The following BBOF1 variants were observed in gnomAD, a reference collection of about 807,000 sequenced individuals.
The protein encoded by BBOF1 is basal body orientation factor 1.
In BBOF1, 62 loss-of-function variants were observed where a neutral mutation model predicts 68.0. The ratio of observed to expected loss-of-function variants is 0.91; its 90% CI spans 0.74 to 1.13. The LOEUF is 1.13. Among genes scored for constraint, BBOF1 ranks in the 50% most tolerant of loss-of-function variants. The pLI is 0.00. For synonymous variants in BBOF1, 208 were observed against 198.8 expected (o/e 1.05, Z -0.39); for missense variants, 534 against 600.1 (o/e 0.89, Z 1.15).
chr14:74,021,309 T>G (rs774737900), intron 1 of BBOF1, among the ~76,000 whole-genome samples: 4 of 151,986 alleles, frequency 2.6e-5, no homozygotes, highest in Admixed American at 6.6e-5. Flanking sequence ...TAAAGCCCGG[T>G]GGGTGGGGCA....
downstream of BBOF1, among the ~76,000 whole-genome samples, chr14:74,069,636 C>T (rs2060521529): frequency 6.6e-6 from 1 of 151,586 alleles, no homozygotes; most frequent in Non-Finnish European, 1.5e-5. Flanking sequence ...ACCTGTAATC[C>T]CAGCTACTTG....
At chr14:74,042,703 G>A (rs2059849039) in intron 5 of BBOF1, among the ~76,000 whole-genome samples, 1 of 152,096 alleles carries the variant, frequency 6.6e-6, no homozygotes, top group Admixed American at 6.6e-5. Flanking sequence ...ACCTACTCTG[G>A]AGACTGAGGC....
At position 74,051,521 on chromosome 14, in the gene BBOF1, TA is replaced by T. The variant is rs551673368; in HGVS notation, c.1286+1328del. On this transcript the variant is annotated intron_variant, in intron 8 of 11. Coordinates refer to ENST00000394009, the MANE Select transcript of BBOF1 (RefSeq NM_025057.3). ...ATCAGTAGTGCCCCCAGCATTGTAT[TA>T]ACCAAAAGTCCCCCAAAATTTTCCA... Among the ~76,000 whole-genome samples, 55 of 151,878 alleles carry T rather than the reference TA, an allele frequency of 3.6e-4. 1 individual carries two copies. The highest frequency in any genetic ancestry group is 1.3e-3 in the African/African-American group (53 of 41,178).
At chr14:74,072,076 GGA>G (rs1314754893) in intron 9 of BBOF1, 3 of 1,565,062 alleles carry the variant, frequency 1.9e-6, no homozygotes, top group African/African-American at 1.4e-5. Flanking sequence ...GCAGTACAAG[GGA>G]GAGAGTCATG....
intron 5 of BBOF1, 191 bp downstream of exon 5, chr14:74,040,836 T>G: frequency 1.9e-6 from 1 of 537,580 alleles, no homozygotes; most frequent in Non-Finnish European, 3.2e-6. Context: ...CCTTGTTTTC[T>G]CTCTCATTCA....
At chr14:74,034,443 T>C (rs1438200012) in intron 4 of BBOF1, among the ~76,000 whole-genome samples, 1 of 152,148 alleles carries the variant, frequency 6.6e-6, no homozygotes, top group Non-Finnish European at 1.5e-5. Context: ...TTGGATTGAC[T>C]TCAGTAAGAA....
At chr14:74,048,768 T>C (rs1342438537) in intron 7 of BBOF1, among the ~76,000 whole-genome samples, 1 of 152,082 alleles carries the variant, frequency 6.6e-6, no homozygotes, top group Non-Finnish European at 1.5e-5. Flanking sequence ...CTGAATGAAG[T>C]TGGGGTTTTA....
At chr14:74,029,549 G>T (rs1173113694) in intron 3 of BBOF1, among the ~76,000 whole-genome samples, 1 of 152,058 alleles carries the variant, frequency 6.6e-6, no homozygotes, top group Non-Finnish European at 1.5e-5. Context: ...AGGCATGGTG[G>T]TGCATGCTTA....
At position 74,065,608 on chromosome 14, in the gene BBOF1, T is replaced by C. The variant is rs1287419124; in HGVS notation, c.*909T>C. On this transcript the variant is annotated 3_prime_UTR_variant, in exon 12 of 12. Coordinates refer to ENST00000394009, the MANE Select transcript of BBOF1 (RefSeq NM_025057.3). ...AATAACCACACTTCCTTTAAGGGAC[T>C]GTATCTTTAGTTCATGACCCATCAT... is the stretch of plus-strand genomic sequence containing the variant. 2 of 495,798 alleles carry C rather than the reference T, an allele frequency of 4.0e-6. No homozygotes were observed. Among genetic ancestry groups the C allele is most frequent in the African/African-American group, 1.9e-5 (1 of 51,542 alleles). The allele number at this position is 495,798 out of a possible 1,614,324, so 30.7% of individuals were successfully genotyped here. A position where few individuals can be genotyped will look rare whatever the true frequency, so the allele number is the denominator to read the frequency against.
intron 8 of BBOF1, among the ~76,000 whole-genome samples, chr14:74,051,055 C>T (rs1010117931): frequency 6.6e-6 from 1 of 151,912 alleles, no homozygotes; most frequent in Non-Finnish European, 1.5e-5. Flanking sequence ...ACCAGCCTGA[C>T]CAACATGGTG....
chr14:74,075,122 G>T, intron 9 of BBOF1: 1 of 1,009,652 alleles, frequency 9.9e-7, no homozygotes, highest in Non-Finnish European at 1.5e-6. Context: ...TAGGGGGTAT[G>T]TTTCTCTCAA....
chr14:74,072,703 G>A, intron 9 of BBOF1: 1 of 1,424,248 alleles, frequency 7.0e-7, no homozygotes. Context: ...TGCACCAAAA[G>A]GAAAGAAAAC....
downstream of BBOF1, chr14:74,069,399 G>A (rs900844073): frequency 1.2e-5 from 3 of 251,850 alleles, no homozygotes; most frequent in African/African-American, 6.9e-5. Context: ...ACTGCATCAG[G>A]CCTGTGTTTT....
At chr14:74,062,064 A>G (rs1382039404) in intron 11 of BBOF1, among the ~76,000 whole-genome samples, 3 of 137,582 alleles carry the variant, frequency 2.2e-5, no homozygotes, top group Admixed American at 7.1e-5. Flanking sequence ...AAAAAAAAAA[A>G]AAAAAAAAAA....
intron 10 of BBOF1, among the ~76,000 whole-genome samples, chr14:74,080,368 CT>C (rs35450547): frequency 0.024 from 3,157 of 128,912 alleles, 17 homozygotes; most frequent in African/African-American, 0.032. Context: ...TAAACTCTTT[CT>C]TTTTTTTTTT....
chr14:74,033,844 C>T (rs1253674518), intron 3 of BBOF1, among the ~76,000 whole-genome samples, 184 bp from the exon 4 acceptor site: 2 of 151,220 alleles, frequency 1.3e-5, no homozygotes, highest in Non-Finnish European at 2.9e-5. Context: ...CCAGCCTGGG[C>T]GACAGAGCAA....
intron 9 of BBOF1, among the ~76,000 whole-genome samples, chr14:74,078,004 G>C (rs534827432): frequency 6.6e-6 from 1 of 152,338 alleles, no homozygotes; most frequent in Admixed American, 6.5e-5. Flanking sequence ...TACTCGGGAA[G>C]CTGAGGCAGG....
intron 2 of BBOF1, among the ~76,000 whole-genome samples, chr14:74,025,119 C>G (rs2140953131): frequency 6.6e-6 from 1 of 152,152 alleles, no homozygotes; most frequent in East Asian, 1.9e-4. Flanking sequence ...TTAAATTGCC[C>G]TCTATAAAGT....
At chr14:74,064,533 A>T (rs2060426946) in intron 11 of BBOF1, among the ~76,000 whole-genome samples, 155 bp from the exon 12 acceptor site, 1 of 152,100 alleles carries the variant, frequency 6.6e-6, no homozygotes, top group African/African-American at 2.4e-5. Context: ...AGTCAGATGA[A>T]AGGGGAGAGA....
Sources: allele counts gnomAD v4.1 joint callset (sites outside exome capture counted in the v4.1 genomes callset), GRCh38; gene constraint gnomAD v4.1.1; transcripts MANE v1.5; gene names NCBI Gene and HGNC (gene_info 2026-07-23, HGNC 2026-07-21).